SCAPER: variants seen among roughly 807,000 people sequenced by gnomAD.
SCAPER encodes the protein S-phase cyclin A associated protein in the ER.
A neutral mutation model predicts 182.2 loss-of-function variants in SCAPER; 98 were observed. The ratio of observed to expected loss-of-function variants is 0.54; its 90% CI spans 0.46 to 0.64. The LOEUF (loss-of-function observed/expected upper bound fraction) is 0.64. Among genes scored for constraint, SCAPER ranks in the 30% least tolerant of loss-of-function variants. The probability of loss-of-function intolerance (pLI) is 0.00; values close to 1 mark genes in which losing one functional copy is unlikely to be tolerated. For missense variants in SCAPER, 1,432 were observed against 1,690.0 expected, an observed-to-expected ratio of 0.85 and a Z score of 2.68; for synonymous variants, 605 against 564.6, an observed-to-expected ratio of 1.07 and a Z score of -1.01.
chr15:76,746,000 T>C (rs1378524850), intron 15 of SCAPER, among the ~76,000 whole-genome samples: 3 of 152,212 alleles, frequency 2.0e-5, no homozygotes, highest in African/African-American at 7.2e-5. Context: ...GGATGAGATT[T>C]ACCCTTGCAC....
intron 18 of SCAPER, among the ~76,000 whole-genome samples, chr15:76,705,060 G>GACTATAAATCATGCC (rs949995512): frequency 6.6e-6 from 1 of 152,052 alleles, no homozygotes; most frequent in African/African-American, 2.4e-5. Context: ...ATACCCAAAG[G>GACTATAAATCATGCC]ACTATAAATC....
At chr15:76,465,912 T>C (rs186018101) in intron 25 of SCAPER, among the ~76,000 whole-genome samples, 9 of 152,268 alleles carry the variant, frequency 5.9e-5, no homozygotes, top group South Asian at 2.1e-4. Context: ...CCTTCTGGCC[T>C]ACAGGGTTTC....
At chr15:76,711,723 C>G (rs1056903938) in intron 17 of SCAPER, among the ~76,000 whole-genome samples, 1 of 152,176 alleles carries the variant, frequency 6.6e-6, no homozygotes, top group Non-Finnish European at 1.5e-5. Flanking sequence ...TTTTTGGCCG[C>G]ATAAATGTCT....
intron 21 of SCAPER, among the ~76,000 whole-genome samples, chr15:76,657,086 C>G (rs1424928823): frequency 6.6e-6 from 1 of 151,932 alleles, no homozygotes; most frequent in East Asian, 1.9e-4. Flanking sequence ...AAAAATCATG[C>G]AAATGACCAA....
At chr15:76,366,371 G>T (rs1312596446) in intron 29 of SCAPER, among the ~76,000 whole-genome samples, 1 of 152,200 alleles carries the variant, frequency 6.6e-6, no homozygotes, top group Non-Finnish European at 1.5e-5. Flanking sequence ...CCTAATAGCT[G>T]CCAGACAGCA....
At chr15:76,832,705 T>C (rs948213010) in intron 5 of SCAPER, among the ~76,000 whole-genome samples, 4 of 152,180 alleles carry the variant, frequency 2.6e-5, no homozygotes, top group East Asian at 1.9e-4. Context: ...GCTGTCCTCA[T>C]GACAGAGTTC....
At chr15:76,507,741 A>T (rs2041711730) in intron 23 of SCAPER, among the ~76,000 whole-genome samples, 1 of 152,168 alleles carries the variant, frequency 6.6e-6, no homozygotes, top group Admixed American at 6.6e-5. Flanking sequence ...TGAAAGCTAG[A>T]CGACTCATAC....
intron 22 of SCAPER, among the ~76,000 whole-genome samples, chr15:76,578,810 T>TA (rs1320172684): frequency 6.6e-6 from 1 of 152,128 alleles, no homozygotes; most frequent in African/African-American, 2.4e-5. Context: ...CTTCAATCCC[T>TA]AGACACCTAC....
At chr15:76,531,534 T>C (rs1245837815) in intron 23 of SCAPER, among the ~76,000 whole-genome samples, 4 of 152,172 alleles carry the variant, frequency 2.6e-5, no homozygotes, top group Admixed American at 2.6e-4. Flanking sequence ...TTTCAAATCA[T>C]GGTTTACCAC....
At chr15:76,423,385 A>G (rs1186153272) in intron 26 of SCAPER, among the ~76,000 whole-genome samples, 5 of 152,200 alleles carry the variant, frequency 3.3e-5, no homozygotes, top group Admixed American at 6.5e-5. Flanking sequence ...CATTTCTTCT[A>G]GATTTTCTAG....
intron 22 of SCAPER, among the ~76,000 whole-genome samples, chr15:76,586,335 T>C (rs1313239946): frequency 6.6e-6 from 1 of 152,182 alleles, no homozygotes; most frequent in African/African-American, 2.4e-5. Context: ...GGAAGGTACA[T>C]GGTCTAAATT....
At position 76,635,550 on chromosome 15, in the gene SCAPER, T is replaced by C. The variant is rs562901760; in HGVS notation, c.2646-13721A>G. ...TCTTCCTTGCCAATTTGGATACTTC[T>C]TACTAGTTTTTCTTGCCTATGTGCC... On this transcript the variant is annotated intron_variant, in intron 21 of 31. Coordinates refer to ENST00000563290, the MANE Select transcript of SCAPER (RefSeq NM_020843.4). 3.3e-5 allele frequency among the ~76,000 whole-genome samples: 5 copies of C among 152,346 alleles called. No homozygotes were observed. In the South Asian group the frequency reaches 1.0e-3, roughly 32 times the overall value.
chr15:76,507,692 G>A (rs989331919), intron 23 of SCAPER, among the ~76,000 whole-genome samples: 1 of 152,044 alleles, frequency 6.6e-6, no homozygotes, highest in African/African-American at 2.4e-5. Flanking sequence ...ATTGCTCTTT[G>A]TGCACAATAA....
chr15:76,618,089 G>A (rs1389976763), intron 22 of SCAPER, among the ~76,000 whole-genome samples: 10 of 151,984 alleles, frequency 6.6e-5, no homozygotes, highest in African/African-American at 1.4e-4. Flanking sequence ...GTGAAACCCC[G>A]TCTCTACTAA....
chr15:76,777,843 T>G (rs1008791138), intron 8 of SCAPER, among the ~76,000 whole-genome samples: 8 of 152,304 alleles, frequency 5.3e-5, no homozygotes, highest in African/African-American at 1.7e-4. Flanking sequence ...CACAGTAAGT[T>G]TGAAATATCA....
At chr15:76,626,926 G>C (rs991606863) in intron 21 of SCAPER, among the ~76,000 whole-genome samples, 3 of 152,178 alleles carry the variant, frequency 2.0e-5, no homozygotes, top group African/African-American at 2.4e-5. Flanking sequence ...GTTATGCTTA[G>C]AACATTGTGG....
chr15:76,788,430 ATAT>A (rs1423871102), intron 8 of SCAPER, among the ~76,000 whole-genome samples: 8 of 152,196 alleles, frequency 5.3e-5, no homozygotes, highest in Admixed American at 5.2e-4. Context: ...CTGAAAATCT[ATAT>A]TATTATGAAA....
At chr15:76,538,766 C>A (rs1232604190) in intron 23 of SCAPER, among the ~76,000 whole-genome samples, 7 of 151,744 alleles carry the variant, frequency 4.6e-5, no homozygotes, top group Non-Finnish European at 8.8e-5. Flanking sequence ...ATCGATCATG[C>A]CTAGTTTTAG....
At chr15:76,646,533 C>G (rs867044840) in intron 21 of SCAPER, among the ~76,000 whole-genome samples, 1 of 152,206 alleles carries the variant, frequency 6.6e-6, no homozygotes, top group African/African-American at 2.4e-5. Flanking sequence ...ATATATTACA[C>G]AAATCTAGTT....
Sources: gnomAD v4.1 joint callset for allele counts (sites outside exome capture counted in the v4.1 genomes callset) on GRCh38, gnomAD v4.1.1 for gene constraint, MANE v1.5 for transcripts, NCBI Gene and HGNC (gene_info 2026-07-23, HGNC 2026-07-21) for gene names.